The following GPR173 variants were observed in gnomAD, a reference collection of about 807,000 sequenced individuals.
The protein encoded by GPR173 is probable G protein-coupled receptor 173.
A neutral mutation model predicts 13.9 loss-of-function variants in GPR173; 2 were observed. The observed-to-expected ratio is 0.14, with a 90% confidence interval of 0.06 to 0.45. The LOEUF is 0.45. GPR173 is among the 20% of genes least tolerant of loss of function. GPR173 has a pLI of 0.98. For synonymous variants in GPR173, 131 were observed against 141.0 expected (o/e 0.93, Z 0.50); for missense variants, 202 against 340.5 (o/e 0.59, Z 3.20).
intron 1 of GPR173, among the ~76,000 whole-genome samples, chrX:53,062,526 A>T (rs1047288759): frequency 7.6e-5 from 8 of 105,804 alleles, no homozygotes; most frequent in Non-Finnish European, 1.4e-4. Flanking sequence ...AACTGGTCCC[A>T]AGTAAGTCCA....
chrX:53,061,032 A>G (rs1556803746), intron 1 of GPR173, among the ~76,000 whole-genome samples: 2 of 107,484 alleles, frequency 1.9e-5, no homozygotes, highest in African/African-American at 6.8e-5. Flanking sequence ...CATCCTGGCT[A>G]ACATGGTGAA....
chrX:53,065,632 A>G (rs1932175151), intron 1 of GPR173: 1 of 112,258 alleles, frequency 8.9e-6, no homozygotes, highest in African/African-American at 3.2e-5. Flanking sequence ...TTGCTAGCCT[A>G]AGTAAGTTGC....
rs966666833 is a variant in GPR173, at chrX:53,080,382, A to G, written c.*2639A>G. 1.6e-5 allele frequency: 2 copies of G among 121,635 alleles called. No individual in the cohort carries two copies. Among genetic ancestry groups the G allele is most frequent in the East Asian group, 2.9e-4 (1 of 3,503 alleles). 10.0% of individuals were successfully genotyped at this position (121,635 alleles called of 1,213,427 possible). A position where few individuals can be genotyped will look rare whatever the true frequency, so the allele number is the denominator to read the frequency against. ...TACTCCTCAGTTCTTGGCACACTATATCATCATTGGTCCATGTGAGGCCCT... is the reference window on the plus strand; with the variant it reads ...TACTCCTCAGTTCTTGGCACACTATGTCATCATTGGTCCATGTGAGGCCCT... On this transcript the variant is annotated 3_prime_UTR_variant, in exon 2 of 2. Transcript: ENST00000332582.
chrX:53,068,721 C>T (rs1932217969), intron 1 of GPR173, among the ~76,000 whole-genome samples: 1 of 106,214 alleles, frequency 9.4e-6, no homozygotes, highest in Non-Finnish European at 1.9e-5. Flanking sequence ...GGTTGAGGTT[C>T]ATGCCACTGC....
intron 1 of GPR173, among the ~76,000 whole-genome samples, chrX:53,057,449 A>G (rs1159123397): frequency 9.6e-6 from 1 of 104,607 alleles, no homozygotes; most frequent in Non-Finnish European, 2.0e-5. Flanking sequence ...AAGAAAAAGA[A>G]AAAAAGTGGC....
chrX:53,069,462 C>G (rs1487096561), intron 1 of GPR173, among the ~76,000 whole-genome samples: 2 of 112,030 alleles, frequency 1.8e-5, no homozygotes, highest in East Asian at 2.8e-4. Flanking sequence ...CATTCTTGCT[C>G]TAGCCCTCTG....
chrX:53,078,877 CCCTCAAGCCTCAGGGG>C lies in GPR173; in HGVS notation c.*1144_*1159del, dbSNP rs1426985227. ...ATTCCTATCTGACCTCTTTTTGTCC[CCCTCAAGCCTCAGGGG>C]CCTCAAGCCCCTCCTTAGTAGCCCT... On this transcript the variant is annotated 3_prime_UTR_variant, in exon 2 of 2. Coordinates refer to ENST00000332582, the MANE Select transcript of GPR173 (RefSeq NM_018969.6). The C allele has an allele frequency of 8.1e-6, 1 of 123,254 alleles. No homozygotes were observed. The highest frequency in any genetic ancestry group is 2.8e-4 in the East Asian group (1 of 3,568). 10.2% of individuals were successfully genotyped at this position (123,254 alleles called of 1,213,427 possible).
intron 1 of GPR173, among the ~76,000 whole-genome samples, chrX:53,059,612 C>T (rs1400565257): frequency 9.2e-6 from 1 of 108,409 alleles, no homozygotes. Flanking sequence ...AGCAACATGG[C>T]GAAACCCCAC....
At chrX:53,060,041 CACAT>C (rs1413440250) in intron 1 of GPR173, among the ~76,000 whole-genome samples, 4 of 107,077 alleles carry the variant, frequency 3.7e-5, no homozygotes, top group Non-Finnish European at 7.7e-5. Context: ...TACACACACA[CACAT>C]ACACACACGC....
chrX:53,074,912 A>C (rs1932405587), intron 1 of GPR173, among the ~76,000 whole-genome samples: 2 of 103,170 alleles, frequency 1.9e-5, no homozygotes, highest in South Asian at 4.2e-4. Flanking sequence ...GCCTCTGAGT[A>C]GTCTCCCTAC....
intron 1 of GPR173, among the ~76,000 whole-genome samples, chrX:53,055,801 A>G (rs1473997515): frequency 9.1e-6 from 1 of 109,434 alleles, no homozygotes; most frequent in Non-Finnish European, 1.9e-5. Context: ...ATGATGATAT[A>G]TGAGAGGGTG....
At chrX:53,051,106 C>T (rs1556802626) in intron 1 of GPR173, among the ~76,000 whole-genome samples, 2 of 111,675 alleles carry the variant, frequency 1.8e-5, no homozygotes, top group African/African-American at 3.3e-5. Context: ...CACGGGGCTT[C>T]GGGTAGAGCT....
intron 1 of GPR173, among the ~76,000 whole-genome samples, chrX:53,053,306 G>GGT (rs201950137): frequency 8.9e-6 from 1 of 112,326 alleles, no homozygotes; most frequent in African/African-American, 3.2e-5. Context: ...GTCATGTCTG[G>GGT]GTGTGTGTGT....
intron 1 of GPR173, among the ~76,000 whole-genome samples, chrX:53,060,063 CAT>C (rs201150695): frequency 0.011 from 1,217 of 106,575 alleles, 12 homozygotes; most frequent in African/African-American, 0.039. Flanking sequence ...CGCACACACA[CAT>C]ATATATATAT....
intron 1 of GPR173, among the ~76,000 whole-genome samples, chrX:53,062,479 C>T (rs1270569947): frequency 9.4e-6 from 1 of 106,916 alleles, no homozygotes; most frequent in Non-Finnish European, 1.9e-5. Flanking sequence ...TAGACATTCC[C>T]ATTCCAAAAG....
At chrX:53,072,662 T>C (rs1200179314) in intron 1 of GPR173, among the ~76,000 whole-genome samples, 1 of 110,768 alleles carries the variant, frequency 9.0e-6, no homozygotes, top group Non-Finnish European at 1.9e-5. Flanking sequence ...CTCTCTTACA[T>C]TCAGTCTCTG....
rs1312170174 is a variant in GPR173, at chrX:53,059,823, T to C, written c.-98+10339T>C. On this transcript the variant is annotated intron_variant, in intron 1 of 1. Transcript: ENST00000332582. Reference sequence around the variant, plus strand: ...AAAAAAAAAACCCAGAACCTGTCTCTACAAAAAATAGAAAAATTAGCCGGG... The same window carrying C: ...AAAAAAAAAACCCAGAACCTGTCTCCACAAAAAATAGAAAAATTAGCCGGG... Among the ~76,000 whole-genome samples the C allele has an allele frequency of 6.9e-5, 7 of 101,073 alleles. No individual in the cohort carries two copies. In the Admixed American group the frequency reaches 7.6e-4, roughly 11 times the overall value. 87.8% of individuals were successfully genotyped at this position (101,073 alleles called of 115,157 possible).
At chrX:53,059,479 C>T (rs1279000636) in intron 1 of GPR173, among the ~76,000 whole-genome samples, 1 of 107,557 alleles carries the variant, frequency 9.3e-6, no homozygotes, top group African/African-American at 3.4e-5. Flanking sequence ...ATTAAAGATC[C>T]ATTACTTTAT....
intron 1 of GPR173, among the ~76,000 whole-genome samples, chrX:53,061,083 C>T (rs1211718624): frequency 9.2e-6 from 1 of 108,575 alleles, no homozygotes; most frequent in Non-Finnish European, 1.9e-5. Flanking sequence ...ATTAGCCGGG[C>T]GTGATGGCAG....
Sources: gnomAD v4.1 joint callset for allele counts (sites outside exome capture counted in the v4.1 genomes callset) on GRCh38, gnomAD v4.1.1 for gene constraint, MANE v1.5 for transcripts, NCBI Gene and HGNC (gene_info 2026-07-23, HGNC 2026-07-21) for gene names.